The following EPHA6 variants were observed in gnomAD, a reference collection of about 807,000 sequenced individuals.
EPHA6 encodes EPH receptor A6, also known as ephrin type-A receptor 6.
Under a neutral mutation model 112.0 loss-of-function variants are expected in EPHA6, and 50 were observed. The ratio of observed to expected loss-of-function variants is 0.45; its 90% CI spans 0.36 to 0.56. EPHA6 has a LOEUF of 0.56. EPHA6 is among the 20% of genes least tolerant of loss of function. The pLI, the probability that EPHA6 is intolerant of heterozygous loss-of-function variation, is 0.00. For missense variants in EPHA6, 1,280 were observed against 1,417.4 expected, an observed-to-expected ratio of 0.90 and a Z score of 1.56; for synonymous variants, 529 against 490.7, an observed-to-expected ratio of 1.08 and a Z score of -1.03.
intron 3 of EPHA6, among the ~76,000 whole-genome samples, chr3:97,157,984 A>G (rs778521573): frequency 2.0e-5 from 3 of 152,164 alleles, no homozygotes; most frequent in Non-Finnish European, 2.9e-5. Flanking sequence ...CCCCTTGTCA[A>G]CTTGGCATCC....
intron 14 of EPHA6, among the ~76,000 whole-genome samples, chr3:97,718,021 T>C (rs1411786840): frequency 6.6e-6 from 1 of 152,184 alleles, no homozygotes; most frequent in African/African-American, 2.4e-5. Flanking sequence ...CTCTTACATA[T>C]TGTTTTCTGG....
intron 5 of EPHA6, among the ~76,000 whole-genome samples, chr3:97,381,249 A>C (rs997519566): frequency 6.6e-6 from 1 of 152,116 alleles, no homozygotes; most frequent in Non-Finnish European, 1.5e-5. Flanking sequence ...ATTTCTGAAA[A>C]TATTTATTAG....
At chr3:97,428,321 G>A (rs9289364) in intron 6 of EPHA6, among the ~76,000 whole-genome samples, 40,552 of 151,960 alleles carry the variant, frequency 0.27, 9,875 homozygotes, top group African/African-American at 0.64. Context: ...TTGAAAGAGG[G>A]AGGAGACTGG....
intron 3 of EPHA6, among the ~76,000 whole-genome samples, chr3:97,088,792 C>G (rs2046979554): frequency 6.6e-6 from 1 of 152,054 alleles, no homozygotes; most frequent in Admixed American, 6.6e-5. Flanking sequence ...CCTTGATTCC[C>G]TCAAATGCTA....
intron 7 of EPHA6, among the ~76,000 whole-genome samples, chr3:97,461,704 A>G (rs1372273313): frequency 2.0e-5 from 3 of 152,178 alleles, no homozygotes; most frequent in Non-Finnish European, 2.9e-5. Flanking sequence ...TGAATTTACT[A>G]TAGGGATAGT....
chr3:97,740,602 T>G (rs1487502852), intron 16 of EPHA6, among the ~76,000 whole-genome samples: 2 of 152,160 alleles, frequency 1.3e-5, no homozygotes, highest in Admixed American at 6.6e-5. Context: ...TAGTTTCCAG[T>G]AATATGTGAA....
intron 3 of EPHA6, among the ~76,000 whole-genome samples, chr3:97,128,866 T>G (rs1438545744): frequency 1.4e-5 from 2 of 142,392 alleles, no homozygotes; most frequent in East Asian, 3.9e-4. Flanking sequence ...ACCTGAATTT[T>G]TATGTCTTTT....
At chr3:97,693,568 G>C (rs896270515) in intron 14 of EPHA6, among the ~76,000 whole-genome samples, 8 of 152,134 alleles carry the variant, frequency 5.3e-5, no homozygotes, top group African/African-American at 1.9e-4. Context: ...AGCACTTTGG[G>C]AGGCCGAGGC....
intron 3 of EPHA6, among the ~76,000 whole-genome samples, chr3:97,047,858 G>A (rs1337509454): frequency 1.3e-5 from 2 of 152,096 alleles, no homozygotes; most frequent in African/African-American, 2.4e-5. Context: ...GAGAAATGCT[G>A]TAGTTGATGT....
chr3:97,559,764 C>G, intron 11 of EPHA6: 1 of 364,716 alleles, frequency 2.7e-6, no homozygotes, highest in South Asian at 2.1e-5. Context: ...CATTAATGCA[C>G]CCTAAAGTTA....
chr3:97,581,867 A>G (rs1414104456), intron 11 of EPHA6, among the ~76,000 whole-genome samples: 1 of 152,238 alleles, frequency 6.6e-6, no homozygotes, highest in East Asian at 1.9e-4. Flanking sequence ...GTGGCATTTG[A>G]GCAGCGTATT....
At chr3:97,209,764 C>A (rs1293905103) in intron 3 of EPHA6, among the ~76,000 whole-genome samples, 2 of 152,148 alleles carry the variant, frequency 1.3e-5, no homozygotes, top group Non-Finnish European at 2.9e-5. Flanking sequence ...GCTAAGGCAG[C>A]AGAATATAGG....
chr3:97,669,256 G>A (rs914596278), intron 14 of EPHA6, among the ~76,000 whole-genome samples: 2 of 149,906 alleles, frequency 1.3e-5, no homozygotes, highest in African/African-American at 4.9e-5. Context: ...TTTACTTTCT[G>A]TTTTGTTTTT....
intron 4 of EPHA6, among the ~76,000 whole-genome samples, chr3:97,239,844 T>A (rs544242545): frequency 2.6e-5 from 4 of 152,036 alleles, no homozygotes; most frequent in African/African-American, 9.6e-5. Context: ...AAAATGCATG[T>A]TGTTCAAGGG....
At chr3:97,277,161 C>A (rs1379662799) in intron 5 of EPHA6, among the ~76,000 whole-genome samples, 1 of 152,150 alleles carries the variant, frequency 6.6e-6, no homozygotes, top group Non-Finnish European at 1.5e-5. Flanking sequence ...ACGATTCTAA[C>A]AGGCTTTGTG....
intron 3 of EPHA6, among the ~76,000 whole-genome samples, chr3:97,045,366 C>T (rs976433898): frequency 7.2e-5 from 11 of 151,916 alleles, no homozygotes; most frequent in Non-Finnish European, 1.3e-4. Context: ...CGGTATGTCA[C>T]AAAATGATAA....
chr3:97,186,675 C>T (rs1026309684), intron 3 of EPHA6, among the ~76,000 whole-genome samples: 12 of 152,124 alleles, frequency 7.9e-5, no homozygotes, highest in African/African-American at 2.7e-4. Context: ...AGACAAAAAG[C>T]AGTTGGTTCT....
intron 5 of EPHA6, among the ~76,000 whole-genome samples, chr3:97,315,547 A>T (rs1008873369): frequency 6.6e-6 from 1 of 151,702 alleles, no homozygotes; most frequent in Non-Finnish European, 1.5e-5. Context: ...GTAGAATCAA[A>T]TAATTTGAAA....
chr3:97,424,027 A>G (rs2088891888), intron 6 of EPHA6, among the ~76,000 whole-genome samples: 1 of 152,212 alleles, frequency 6.6e-6, no homozygotes, highest in Non-Finnish European at 1.5e-5. Context: ...GAGACTGGGT[A>G]ATTTATAAAG....
Sources: gnomAD v4.1 joint callset for allele counts (sites outside exome capture counted in the v4.1 genomes callset) on GRCh38, gnomAD v4.1.1 for gene constraint, MANE v1.5 for transcripts, NCBI Gene and HGNC (gene_info 2026-07-23, HGNC 2026-07-21) for gene names.